Variants in RSF1 observed in about 807,000 individuals in gnomAD.
The protein encoded by RSF1 is HBV pX-associated protein 8.
Under a neutral mutation model 145.2 loss-of-function variants are expected in RSF1, and 13 were observed. The observed-to-expected ratio is 0.09, with a 90% CI of 0.06 to 0.14. The LOEUF is 0.14. RSF1 is among the 10% of genes least tolerant of loss of function. The probability of loss-of-function intolerance (pLI) is 1.00; values close to 1 mark genes in which losing one functional copy is unlikely to be tolerated. For synonymous variants in RSF1, 577 were observed against 592.6 expected (o/e 0.97, Z 0.38); for missense variants, 1,517 against 1,718.2 (o/e 0.88, Z 2.07).
rs929044805 is a variant in RSF1, at chr11:77,820,423, G to A, written c.187+105C>T. 1.8e-5 allele frequency: 22 copies of A among 1,222,814 alleles called. No individual in the cohort carries two copies. The South Asian group carries it at 2.4e-4, about 13-fold the overall frequency. 75.7% of individuals were successfully genotyped at this position (1,222,814 alleles called of 1,614,324 possible). ...GGAGTTGCGTCCCAGGGGGAAGACA[G>A]AGCCGCGGAGGCCCGAGCCGCGAAG... is the stretch of plus-strand genomic sequence containing the variant. On this transcript the variant is annotated intron_variant, in intron 1 of 15. Coordinates refer to ENST00000308488, the MANE Select transcript of RSF1 (RefSeq NM_016578.4).
At chr11:77,759,855 T>TAAAAA (rs11409466) in intron 2 of RSF1, among the ~76,000 whole-genome samples, 1 of 134,276 alleles carries the variant, frequency 7.4e-6, no homozygotes. Context: ...TGATGCATGT[T>TAAAAA]AAAAAAAAAA....
At chr11:77,814,263 C>T (rs187843081) in intron 1 of RSF1, among the ~76,000 whole-genome samples, 8 of 150,818 alleles carry the variant, frequency 5.3e-5, no homozygotes, top group East Asian at 2.0e-4. Context: ...TTTGGGAGGC[C>T]GAGGTGGGAG....
intron 15 of RSF1, among the ~76,000 whole-genome samples, chr11:77,671,833 C>T (rs546017066): frequency 6.6e-6 from 1 of 152,172 alleles, no homozygotes; most frequent in Non-Finnish European, 1.5e-5. Context: ...AAGGTCTCAC[C>T]ATGTTGGACA....
At chr11:77,751,671 A>G (rs901754540) in intron 2 of RSF1, among the ~76,000 whole-genome samples, 10 of 152,182 alleles carry the variant, frequency 6.6e-5, no homozygotes, top group African/African-American at 2.2e-4. Context: ...GAAGGTCAAC[A>G]ACGCTCTTAG....
At chr11:77,674,247 A>T (rs182237395) in intron 14 of RSF1, among the ~76,000 whole-genome samples, 1 of 152,224 alleles carries the variant, frequency 6.6e-6, no homozygotes, top group Non-Finnish European at 1.5e-5. Context: ...TCTGATACTC[A>T]TATCTATGGT....
At chr11:77,820,243 G>C (rs1321606287) in intron 1 of RSF1, among the ~76,000 whole-genome samples, 1 of 152,136 alleles carries the variant, frequency 6.6e-6, no homozygotes, top group Non-Finnish European at 1.5e-5. Flanking sequence ...CGGGGCTGCC[G>C]ACCGGCACAA....
chr11:77,861,613 C>A, the RSF1 span, among the ~76,000 whole-genome samples: 45 of 152,290 alleles, frequency 3.0e-4, no homozygotes, highest in Non-Finnish European at 4.7e-4. Context: ...CAGTGATTCC[C>A]TTGACATAAC....
the RSF1 span, chr11:77,850,515 T>A: frequency 6.6e-6 from 1 of 152,180 alleles, no homozygotes; most frequent in African/African-American, 2.4e-5. Flanking sequence ...TGTGTCCTTT[T>A]TGTTAGACTG....
At chr11:77,680,553 C>T (rs1368642883) in intron 11 of RSF1, among the ~76,000 whole-genome samples, 1 of 152,112 alleles carries the variant, frequency 6.6e-6, no homozygotes, top group African/African-American at 2.4e-5. Flanking sequence ...AGTTGGGAGT[C>T]CAGTCTAGGC....
chr11:77,871,008 T>C, the RSF1 span, among the ~76,000 whole-genome samples: 5 of 152,136 alleles, frequency 3.3e-5, no homozygotes, highest in Non-Finnish European at 5.9e-5. Flanking sequence ...TAGGGCTTTA[T>C]ATATATAGGG....
intron 5 of RSF1, among the ~76,000 whole-genome samples, chr11:77,707,813 A>G (rs186484108): frequency 7.2e-5 from 11 of 152,348 alleles, no homozygotes; most frequent in African/African-American, 2.6e-4. Flanking sequence ...TTTCAAAGAC[A>G]GTGAAACTAT....
chr11:77,794,232 C>A (rs1948549984), intron 1 of RSF1, among the ~76,000 whole-genome samples: 1 of 152,204 alleles, frequency 6.6e-6, no homozygotes, highest in African/African-American at 2.4e-5. Flanking sequence ...CTGCACAATA[C>A]CTTCTTCTCA....
At chr11:77,731,571 T>C (rs1326286013) in intron 4 of RSF1, among the ~76,000 whole-genome samples, 7 of 152,182 alleles carry the variant, frequency 4.6e-5, no homozygotes, top group Non-Finnish European at 7.4e-5. Context: ...GCCCCTCCTA[T>C]CACAGGCCTG....
At chr11:77,713,677 C>T (rs1052881260) in intron 5 of RSF1, among the ~76,000 whole-genome samples, 1 of 152,116 alleles carries the variant, frequency 6.6e-6, no homozygotes, top group Admixed American at 6.5e-5. Context: ...CTCTCAAATC[C>T]TTATATCCTA....
chr11:77,716,504 G>A (rs941809936), intron 5 of RSF1, among the ~76,000 whole-genome samples: 1 of 152,244 alleles, frequency 6.6e-6, no homozygotes, highest in Non-Finnish European at 1.5e-5. Context: ...ACTATGCTAA[G>A]TGAAATAAGT....
chr11:77,754,253 C>T lies in RSF1; in HGVS notation c.280-7125G>A, dbSNP rs17752097. 7.7e-3 allele frequency among the ~76,000 whole-genome samples: 1,169 copies of T among 152,200 alleles called. 8 individuals carry two copies. Among genetic ancestry groups the T allele is most frequent in the Non-Finnish European group, 0.013 (865 of 68,006 alleles). On this transcript the variant is annotated intron_variant, in intron 2 of 15. Transcript: ENST00000308488. Reference sequence around the variant, plus strand: ...GAAAATAAAAAAGAGTAATGTGATACAGAAAGTTTAAGTACTACTCTGGAT... The same window carrying T: ...GAAAATAAAAAAGAGTAATGTGATATAGAAAGTTTAAGTACTACTCTGGAT...
chr11:77,712,561 G>A (rs1311626558), intron 5 of RSF1, among the ~76,000 whole-genome samples: 1 of 152,216 alleles, frequency 6.6e-6, no homozygotes, highest in Admixed American at 6.5e-5. Flanking sequence ...ATATCCTGGG[G>A]GAGATACTTT....
chr11:77,740,980 T>C, intron 3 of RSF1, 44 bp from the exon 4 acceptor site: 3 of 1,392,050 alleles, frequency 2.2e-6, no homozygotes, highest in South Asian at 2.4e-5. Flanking sequence ...TCACAAATAT[T>C]TCTCCATCAC....
At position 77,663,044 on chromosome 11, in the gene RSF1, T is replaced by C. The variant is rs1465037337; in HGVS notation, c.*3873A>G. 1.3e-5 allele frequency: 2 copies of C among 152,066 alleles called. No individual in the cohort carries two copies. The highest frequency in any genetic ancestry group is 4.8e-5 in the African/African-American group (2 of 41,424). The allele number at this position is 152,066 out of a possible 1,614,324, so 9.4% of individuals were successfully genotyped here. ...GCACACACACACACACATATACACA[T>C]GTACCATTTAACTCTGGGTCTTTGA... On this transcript the variant is annotated 3_prime_UTR_variant, in exon 16 of 16. Coordinates refer to ENST00000308488, the MANE Select transcript of RSF1 (RefSeq NM_016578.4).
Sources: allele counts gnomAD v4.1 joint callset (sites outside exome capture counted in the v4.1 genomes callset), GRCh38; gene constraint gnomAD v4.1.1; transcripts MANE v1.5; gene names NCBI Gene and HGNC (gene_info 2026-07-23, HGNC 2026-07-21).